Variants in SIPA1L3 observed in about 807,000 individuals in gnomAD.
The protein encoded by SIPA1L3 is signal induced proliferation associated 1 like 3, also known as signal-induced proliferation-associated 1-like protein 3.
Under a neutral mutation model 150.1 loss-of-function variants are expected in SIPA1L3, and 59 were observed. The observed-to-expected ratio is 0.39, with a 90% CI of 0.32 to 0.49. The LOEUF (loss-of-function observed/expected upper bound fraction) is 0.49, where lower values mean the gene tolerates loss of function less well. Among genes scored for constraint, SIPA1L3 ranks in the 20% least tolerant of loss-of-function variants. The pLI is 0.86. For missense variants in SIPA1L3, 2,211 were observed against 2,489.5 expected, an observed-to-expected ratio of 0.89 and a Z score of 2.38; for synonymous variants, 1,070 against 1,077.6, an observed-to-expected ratio of 0.99 and a Z score of 0.14.
At chr19:38,031,185 T>A (rs1968646749) in intron 2 of SIPA1L3, among the ~76,000 whole-genome samples, 1 of 152,302 alleles carries the variant, frequency 6.6e-6, no homozygotes, top group South Asian at 2.1e-4. Context: ...GGTTACAAAG[T>A]TCACATGTCT....
chr19:37,957,528 A>G (rs79130952), intron 1 of SIPA1L3, among the ~76,000 whole-genome samples: 7,217 of 150,776 alleles, frequency 0.048, 201 homozygotes, highest in East Asian at 0.11. Flanking sequence ...TTTTTATGCT[A>G]TTGTGAATGG....
At position 37,957,540 on chromosome 19, in the gene SIPA1L3, AT is replaced by A. The variant is rs540221129; in HGVS notation, c.-379+50191del. Among the ~76,000 whole-genome samples, 354 of 149,848 alleles carry A rather than the reference AT, an allele frequency of 2.4e-3. 2 individuals are homozygous for A. Among genetic ancestry groups the A allele is most frequent in the Non-Finnish European group, 4.0e-3 (270 of 67,518 alleles). Reference sequence around the variant, plus strand: ...TTTTTTTTATGCTATTGTGAATGGAATTTTTTTTTCTTTTTTTTCTTTTTTC... The same window carrying A: ...TTTTTTTTATGCTATTGTGAATGGAATTTTTTTTCTTTTTTTTCTTTTTTC... On this transcript the variant is annotated intron_variant, in intron 1 of 21. Transcript: ENST00000222345.
chr19:37,993,865 C>A (rs1599877506), intron 1 of SIPA1L3, among the ~76,000 whole-genome samples: 1 of 152,240 alleles, frequency 6.6e-6, no homozygotes, highest in East Asian at 1.9e-4. Flanking sequence ...ACTTTTATTT[C>A]AATGCATAGC....
chr19:38,084,647 T>C (rs1970085434), intron 3 of SIPA1L3, among the ~76,000 whole-genome samples: 1 of 146,456 alleles, frequency 6.8e-6, no homozygotes, highest in South Asian at 2.2e-4. Flanking sequence ...TTTTTTTTTT[T>C]TTTTTTTGAG....
At chr19:38,205,056 T>C (rs1258640743) in intron 21 of SIPA1L3, among the ~76,000 whole-genome samples, 1 of 152,118 alleles carries the variant, frequency 6.6e-6, no homozygotes, top group Non-Finnish European at 1.5e-5. Context: ...GCTGCAGCAG[T>C]GTTGTCTAGA....
At chr19:37,989,825 G>A (rs148843483) in intron 1 of SIPA1L3, among the ~76,000 whole-genome samples, 13 of 152,100 alleles carry the variant, frequency 8.5e-5, no homozygotes, top group African/African-American at 3.1e-4. Flanking sequence ...GTGAGCCACC[G>A]TGCCTGGCTA....
chr19:38,098,375 G>A (rs980632145), intron 4 of SIPA1L3, among the ~76,000 whole-genome samples: 15 of 151,310 alleles, frequency 9.9e-5, no homozygotes, highest in African/African-American at 3.6e-4. Context: ...GAAGTGGGCA[G>A]GTGGAAAGGG....
intron 1 of SIPA1L3, among the ~76,000 whole-genome samples, chr19:37,963,558 G>A (rs1444202658): frequency 6.6e-6 from 1 of 152,244 alleles, no homozygotes; most frequent in Non-Finnish European, 1.5e-5. Context: ...GATGGAGCTG[G>A]TGCGTGTGAT....
intron 2 of SIPA1L3, among the ~76,000 whole-genome samples, chr19:38,062,068 G>T (rs556348637): frequency 1.3e-5 from 2 of 151,708 alleles, no homozygotes; most frequent in South Asian, 2.1e-4. Context: ...GATGTATCGC[G>T]TGCTTGCCAT....
Position 38,082,311 on chromosome 19 carries a change from A to C in SIPA1L3, c.746A>C (p.His249Pro). Residue 249 changes from histidine (H) to proline (P), a missense_variant, in exon 3 of 22, where the codon CAC becomes CCC. Physicochemically the swap from His to Pro is moderately conservative, Grantham distance 77. This residue lies in a region of SIPA1L3 where 587 missense variants were observed against 534.5 expected (regional missense o/e 1.10). Transcript: ENST00000222345. ...CTCCTCCGGGCAGATCCTGGCCCACACCTCATGGGGGGCGGCGGCGGAGCC... is the reference window on the plus strand; with the variant it reads ...CTCCTCCGGGCAGATCCTGGCCCACCCCTCATGGGGGGCGGCGGCGGAGCC... ...TELLRADPGP[H>P]LMGGGGGAKG... 6.3e-7 allele frequency: 1 copy of C among 1,599,152 alleles called. No individual in the cohort carries two copies. The highest frequency in any genetic ancestry group is 8.5e-7 in the Non-Finnish European group (1 of 1,179,078).
chr19:38,045,146 G>T (rs1404986608), intron 2 of SIPA1L3, among the ~76,000 whole-genome samples: 1 of 152,156 alleles, frequency 6.6e-6, no homozygotes, highest in Non-Finnish European at 1.5e-5. Flanking sequence ...GGGAAGCCAA[G>T]ATGGGCAGAT....
At chr19:38,053,790 T>A (rs1352099368) in intron 2 of SIPA1L3, among the ~76,000 whole-genome samples, 1 of 151,972 alleles carries the variant, frequency 6.6e-6, no homozygotes, top group Non-Finnish European at 1.5e-5. Flanking sequence ...GGTCTCGAAC[T>A]CCTGGGCTCA....
chr19:38,151,403 A>G (rs986598190), intron 12 of SIPA1L3, among the ~76,000 whole-genome samples: 1 of 152,210 alleles, frequency 6.6e-6, no homozygotes, highest in East Asian at 1.9e-4. Flanking sequence ...CAGCTCAGCT[A>G]TGAGCGCTGG....
At chr19:38,202,178 C>T (rs934252781) in intron 20 of SIPA1L3, among the ~76,000 whole-genome samples, 181 bp downstream of exon 20, 30 of 152,368 alleles carry the variant, frequency 2.0e-4, no homozygotes, top group Non-Finnish European at 4.1e-4. Flanking sequence ...CCTGTCTGTG[C>T]ACTGGGGATC....
intron 8 of SIPA1L3, among the ~76,000 whole-genome samples, chr19:38,112,221 A>C (rs574465368): frequency 6.7e-6 from 1 of 149,546 alleles, no homozygotes. Flanking sequence ...ACACATGCAC[A>C]TAACACATGC....
chr19:38,054,639 A>T (rs1312591250), intron 2 of SIPA1L3, among the ~76,000 whole-genome samples: 9 of 152,224 alleles, frequency 5.9e-5, no homozygotes, highest in Non-Finnish European at 1.2e-4. Context: ...TTAGGGGAAA[A>T]AAAAATCATC....
At chr19:38,018,590 C>A (rs532645407) in intron 1 of SIPA1L3, among the ~76,000 whole-genome samples, 1 of 152,278 alleles carries the variant, frequency 6.6e-6, no homozygotes, top group South Asian at 2.1e-4. Context: ...CGCATGGATT[C>A]TTGCTTCATT....
chr19:37,990,912 A>C (rs978046986), intron 1 of SIPA1L3, among the ~76,000 whole-genome samples: 13 of 152,062 alleles, frequency 8.5e-5, no homozygotes, highest in African/African-American at 2.9e-4. Context: ...AAGAGAGGGG[A>C]GGTAACTTGT....
intron 1 of SIPA1L3, among the ~76,000 whole-genome samples, chr19:38,004,429 G>T (rs1967886020): frequency 6.6e-6 from 1 of 152,222 alleles, no homozygotes; most frequent in African/African-American, 2.4e-5. Context: ...CAGAGGTGGG[G>T]CAGATGTCTG....
Sources: gnomAD v4.1 joint callset for allele counts (sites outside exome capture counted in the v4.1 genomes callset) on GRCh38, gnomAD v4.1.1 for gene constraint, gnomAD v4.1.1 regional missense constraint, MANE v1.5 for transcripts, NCBI Gene and HGNC (gene_info 2026-07-23, HGNC 2026-07-21) for gene names.